Variants in CABLES1 observed in about 807,000 individuals in gnomAD.
CABLES1 encodes CDK5 and ABL1 enzyme substrate 1.
A neutral mutation model predicts 57.8 loss-of-function variants in CABLES1; 36 were observed. That is an observed-to-expected ratio of 0.62 (90% CI 0.48 to 0.82). The LOEUF (loss-of-function observed/expected upper bound fraction) is 0.82. Among genes scored for constraint, CABLES1 ranks in the 40% least tolerant of loss-of-function variants. The probability of loss-of-function intolerance (pLI) is 0.00; values close to 1 mark genes in which losing one functional copy is unlikely to be tolerated. For missense variants in CABLES1, 767 were observed against 836.6 expected (o/e 0.92, Z 1.03); for synonymous variants, 374 against 363.0 (o/e 1.03, Z -0.35).
In CABLES1 at chr18:23,260,363, C is replaced by CCCTA. The variant is rs2048264513; in HGVS notation, c.*2997_*2998insCTAC. 6.6e-6 allele frequency: 1 copy of CCCTA among 152,276 alleles called. No homozygotes were observed. The highest frequency in any genetic ancestry group is 1.5e-5 in the Non-Finnish European group (1 of 68,100). 9.4% of individuals were successfully genotyped at this position (152,276 alleles called of 1,614,324 possible). ...GCCGCTTCACACAAGCCACTCTGTACCACGTGCCCTACCTTAGTGACGGGA... is the reference window on the plus strand; with the variant it reads ...GCCGCTTCACACAAGCCACTCTGTACCCTACACGTGCCCTACCTTAGTGACGGGA... On this transcript the variant is annotated 3_prime_UTR_variant, in exon 10 of 10. Coordinates refer to ENST00000256925, the MANE Select transcript of CABLES1 (RefSeq NM_001100619.3).
intron 1 of CABLES1, among the ~76,000 whole-genome samples, chr18:23,141,849 G>A (rs1374791454): frequency 6.6e-6 from 1 of 152,018 alleles, no homozygotes; most frequent in Non-Finnish European, 1.5e-5. Flanking sequence ...AAGCGCCGAT[G>A]CCTGGACTTT....
chr18:23,256,712 C>T (rs534132645), intron 9 of CABLES1, among the ~76,000 whole-genome samples: 8 of 152,168 alleles, frequency 5.3e-5, no homozygotes, highest in African/African-American at 4.8e-5. Context: ...CTCAAACTCC[C>T]GACCTCAAGT....
intron 3 of CABLES1, among the ~76,000 whole-genome samples, chr18:23,207,135 A>G (rs8088086): frequency 0.16 from 24,873 of 152,220 alleles, 3,126 homozygotes; most frequent in African/African-American, 0.32. Flanking sequence ...ATAAACAAGT[A>G]CAAATATAAA....
At chr18:23,190,147 G>A (rs1403410470) in intron 2 of CABLES1, among the ~76,000 whole-genome samples, 1 of 152,200 alleles carries the variant, frequency 6.6e-6, no homozygotes, top group Non-Finnish European at 1.5e-5. Flanking sequence ...GAGTCATACA[G>A]AAAGCTACGC....
intron 1 of CABLES1, chr18:23,149,701 A>G (rs2046914555): frequency 3.3e-5 from 5 of 152,370 alleles, no homozygotes; most frequent in South Asian, 4.1e-4. Context: ...GGCGGCCAGG[A>G]ACTTGTTAGA....
chr18:23,179,831 C>G (rs897330277), intron 1 of CABLES1, among the ~76,000 whole-genome samples: 2 of 152,260 alleles, frequency 1.3e-5, no homozygotes, highest in Admixed American at 6.5e-5. Flanking sequence ...TGTGTATCTT[C>G]TGTTAAGAGG....
chr18:23,167,919 A>C (rs2047055081), intron 1 of CABLES1, among the ~76,000 whole-genome samples: 1 of 152,242 alleles, frequency 6.6e-6, no homozygotes, highest in African/African-American at 2.4e-5. Flanking sequence ...CGGTTCATGC[A>C]CACGCTTAAA....
intron 1 of CABLES1, among the ~76,000 whole-genome samples, chr18:23,175,253 A>C (rs2047114951): frequency 6.6e-6 from 1 of 152,212 alleles, no homozygotes; most frequent in South Asian, 2.1e-4. Context: ...TTATACTCTC[A>C]AGTTTATAAA....
intron 1 of CABLES1, among the ~76,000 whole-genome samples, chr18:23,143,515 C>A (rs1568041141): frequency 6.6e-6 from 1 of 152,244 alleles, no homozygotes; most frequent in Admixed American, 6.5e-5. Flanking sequence ...CTTTCCCCAA[C>A]TGCCCCTCTG....
intron 3 of CABLES1, among the ~76,000 whole-genome samples, chr18:23,205,054 A>G (rs1165560182): frequency 6.6e-6 from 1 of 152,172 alleles, no homozygotes; most frequent in African/African-American, 2.4e-5. Flanking sequence ...TCTGCAACAC[A>G]TTGAGAAGAA....
chr18:23,203,527 TGGTA>T (rs2047341220), intron 3 of CABLES1, among the ~76,000 whole-genome samples: 1 of 151,640 alleles, frequency 6.6e-6, no homozygotes, highest in Non-Finnish European at 1.5e-5. Flanking sequence ...TAAAGGAAGA[TGGTA>T]AAAGTACAGT....
chr18:23,234,280 TCCCACGATG>T (rs1183090114), intron 4 of CABLES1, among the ~76,000 whole-genome samples: 1 of 152,152 alleles, frequency 6.6e-6, no homozygotes, highest in Admixed American at 6.5e-5. Flanking sequence ...CAAACTGTGG[TCCCACGATG>T]CCCAGGGAAT....
chr18:23,179,142 C>T (rs1225558256), intron 1 of CABLES1, among the ~76,000 whole-genome samples: 4 of 151,996 alleles, frequency 2.6e-5, no homozygotes, highest in African/African-American at 7.2e-5. Flanking sequence ...AAAAATTAGT[C>T]GGGTATTGTG....
intron 1 of CABLES1, among the ~76,000 whole-genome samples, chr18:23,170,432 C>G (rs1411626815): frequency 6.6e-6 from 1 of 152,166 alleles, no homozygotes; most frequent in Non-Finnish European, 1.5e-5. Flanking sequence ...GGTTTGGTAG[C>G]AGGGTTGCTT....
chr18:23,174,479 C>CTT (rs979810121), intron 1 of CABLES1, among the ~76,000 whole-genome samples: 2 of 148,228 alleles, frequency 1.3e-5, no homozygotes, highest in African/African-American at 5.0e-5. Flanking sequence ...GTGTTTAAAA[C>CTT]TTTTTTTTTT....
At chr18:23,151,572 C>T (rs2046930893) in intron 1 of CABLES1, among the ~76,000 whole-genome samples, 1 of 152,152 alleles carries the variant, frequency 6.6e-6, no homozygotes. Flanking sequence ...GAGAGAAGCT[C>T]TTGAGTAATC....
chr18:23,229,228 G>A (rs1214142629), intron 4 of CABLES1, among the ~76,000 whole-genome samples: 1 of 152,066 alleles, frequency 6.6e-6, no homozygotes, highest in African/African-American at 2.4e-5. Context: ...CCTGGCCAAC[G>A]TGGTGAAACC....
intron 3 of CABLES1, among the ~76,000 whole-genome samples, chr18:23,206,328 A>G (rs1408473985): frequency 1.3e-5 from 2 of 152,206 alleles, no homozygotes; most frequent in Non-Finnish European, 2.9e-5. Flanking sequence ...ATTTGGACTC[A>G]TGCTTCTCCC....
At chr18:23,176,872 C>A (rs1439904666) in intron 1 of CABLES1, among the ~76,000 whole-genome samples, 1 of 152,028 alleles carries the variant, frequency 6.6e-6, no homozygotes, top group South Asian at 2.1e-4. Flanking sequence ...GGGGGAGACT[C>A]CAGGGAGCGT....
Sources: allele counts gnomAD v4.1 joint callset (sites outside exome capture counted in the v4.1 genomes callset), GRCh38; gene constraint gnomAD v4.1.1; transcripts MANE v1.5; gene names NCBI Gene and HGNC (gene_info 2026-07-23, HGNC 2026-07-21).